Variants in MAST4 observed in about 807,000 individuals in gnomAD.
MAST4 encodes microtubule-associated serine/threonine-protein kinase 4.
Under a neutral mutation model 162.7 loss-of-function variants are expected in MAST4, and 89 were observed. The observed-to-expected ratio is 0.55, with a 90% CI of 0.46 to 0.65. The LOEUF is 0.65. Among genes scored for constraint, MAST4 ranks in the 30% least tolerant of loss-of-function variants. MAST4 has a pLI of 0.00. For missense variants in MAST4, 3,153 were observed against 3,374.0 expected, an observed-to-expected ratio of 0.93 and a Z score of 1.62; for synonymous variants, 1,479 against 1,361.1, an observed-to-expected ratio of 1.09 and a Z score of -1.91.
At chr5:66,726,525 C>G (rs1444651367) in intron 1 of MAST4, among the ~76,000 whole-genome samples, 2 of 152,056 alleles carry the variant, frequency 1.3e-5, no homozygotes, top group Non-Finnish European at 2.9e-5. Flanking sequence ...TGTGAAGTAC[C>G]TGGTACACCA....
Position 66,721,462 on chromosome 5 carries a change from C to T in MAST4, c.364-38247C>T, listed in dbSNP as rs150877506. On this transcript the variant is annotated intron_variant, in intron 1 of 28. Transcript: ENST00000403625. ...TGTGGTCCTCACTTGGCCTCTGGGACACCTCCAAGTCTTAGTTGTCTTCCT... is the reference window on the plus strand; with the variant it reads ...TGTGGTCCTCACTTGGCCTCTGGGATACCTCCAAGTCTTAGTTGTCTTCCT... Among the ~76,000 whole-genome samples the T allele has an allele frequency of 1.5e-4, 23 of 152,162 alleles. No individual in the cohort carries two copies. In the East Asian group the frequency reaches 3.7e-3, roughly 24 times the overall value.
intron 1 of MAST4, among the ~76,000 whole-genome samples, chr5:66,642,938 G>A (rs1745582225): frequency 6.6e-6 from 1 of 152,170 alleles, no homozygotes; most frequent in African/African-American, 2.4e-5. Flanking sequence ...GGAAAGCTGG[G>A]AAGAAGGGGT....
At chr5:66,722,539 G>A (rs1751282328) in intron 1 of MAST4, among the ~76,000 whole-genome samples, 1 of 150,884 alleles carries the variant, frequency 6.6e-6, no homozygotes, top group Non-Finnish European at 1.5e-5. Flanking sequence ...TCATCAGAAT[G>A]TGAATCCCAG....
intron 3 of MAST4, among the ~76,000 whole-genome samples, chr5:66,873,117 G>A (rs971416552): frequency 5.3e-5 from 8 of 152,154 alleles, no homozygotes; most frequent in African/African-American, 1.9e-4. Flanking sequence ...CAGAGAAGAT[G>A]TCTGTTGCCT....
intron 4 of MAST4, among the ~76,000 whole-genome samples, chr5:66,967,716 A>G (rs1354974473): frequency 6.6e-6 from 1 of 151,288 alleles, no homozygotes; most frequent in Non-Finnish European, 1.5e-5. Context: ...AACATCTTCC[A>G]TCAGGGCTGG....
At chr5:66,834,524 G>A (rs148391762) in intron 3 of MAST4, among the ~76,000 whole-genome samples, 109 of 152,306 alleles carry the variant, frequency 7.2e-4, no homozygotes, top group African/African-American at 2.4e-3. Context: ...ATGGGGTGGA[G>A]AGTAGTTCCA....
chr5:67,021,339 G>A (rs1358283950), intron 4 of MAST4, among the ~76,000 whole-genome samples: 2 of 152,124 alleles, frequency 1.3e-5, no homozygotes, highest in Non-Finnish European at 2.9e-5. Context: ...GTAAATACAG[G>A]CATGCTATAT....
chr5:66,780,836 G>A (rs1044866547), intron 2 of MAST4, among the ~76,000 whole-genome samples: 1 of 152,068 alleles, frequency 6.6e-6, no homozygotes, highest in African/African-American at 2.4e-5. Context: ...GTGCGGATTG[G>A]CGCATTTACA....
At chr5:66,826,880 T>TAAAAC (rs1757288749) in intron 3 of MAST4, among the ~76,000 whole-genome samples, 1 of 152,216 alleles carries the variant, frequency 6.6e-6, no homozygotes, top group African/African-American at 2.4e-5. Context: ...AGGCTTTGTC[T>TAAAAC]AAAACAACTC....
chr5:67,049,350 AATCCCTTC>A (rs1262534606), intron 4 of MAST4, among the ~76,000 whole-genome samples: 3 of 152,106 alleles, frequency 2.0e-5, no homozygotes, highest in African/African-American at 4.8e-5. Flanking sequence ...CATCTGTTTC[AATCCCTTC>A]ATTGTGAAGA....
chr5:66,855,819 T>C (rs577147954), intron 3 of MAST4, among the ~76,000 whole-genome samples: 49 of 152,208 alleles, frequency 3.2e-4, no homozygotes, highest in Non-Finnish European at 6.3e-4. Flanking sequence ...TAGGCTTACA[T>C]GGTTTTGGAG....
In MAST4 at chr5:66,666,288, G is replaced by T. The variant is rs1414976151; in HGVS notation, c.363+69270G>T. The stretch of plus-strand genomic sequence containing the variant: ...GATGGTAATGATGTTTTTCTCTTCA[G>T]ACCGCTCTCTGATGGTAATGATGTT... On this transcript the variant is annotated intron_variant, in intron 1 of 28. Transcript: ENST00000403625. 2.0e-5 allele frequency among the ~76,000 whole-genome samples: 3 copies of T among 152,138 alleles called. No homozygotes were observed. In the East Asian group the frequency reaches 5.8e-4, roughly 29 times the overall value.
intron 1 of MAST4, among the ~76,000 whole-genome samples, chr5:66,673,057 C>T (rs1199081991): frequency 3.3e-5 from 5 of 152,126 alleles, no homozygotes; most frequent in Non-Finnish European, 7.3e-5. Context: ...AGCATGTCAT[C>T]AAGTGCATAT....
chr5:67,027,006 T>C (rs746160454), intron 4 of MAST4, among the ~76,000 whole-genome samples: 6 of 152,168 alleles, frequency 3.9e-5, no homozygotes, highest in Non-Finnish European at 8.8e-5. Context: ...TAGGATATAA[T>C]ATATCCTATT....
At chr5:66,836,213 G>T (rs1214552899) in intron 3 of MAST4, among the ~76,000 whole-genome samples, 1 of 152,030 alleles carries the variant, frequency 6.6e-6, no homozygotes, top group African/African-American at 2.4e-5. Context: ...TTAATGATAT[G>T]GGGAAAAGCT....
In MAST4 at chr5:67,078,920, A is replaced by ATAT. The variant is rs1554093920; in HGVS notation, c.764-11241_764-11239dup. 9.4e-3 allele frequency among the ~76,000 whole-genome samples: 641 copies of ATAT among 68,100 alleles called. 30 individuals are homozygous for ATAT. Among genetic ancestry groups the ATAT allele is most frequent in the African/African-American group, 0.046 (570 of 12,288 alleles). 44.7% of individuals were successfully genotyped at this position (68,100 alleles called of 152,430 possible). On this transcript the variant is annotated intron_variant, in intron 5 of 28. Coordinates refer to ENST00000403625, the MANE Select transcript of MAST4 (RefSeq NM_001164664.2). ...TATATATTTTTATATAAATATATAT[A>ATAT]TATATATATATATATATATATATAT...
At chr5:66,967,117 G>A (rs1028328742) in intron 4 of MAST4, among the ~76,000 whole-genome samples, 3 of 152,218 alleles carry the variant, frequency 2.0e-5, no homozygotes, top group African/African-American at 7.2e-5. Context: ...ACCATTGATT[G>A]TGATGGGTCA....
chr5:66,941,183 G>A (rs979346948), intron 4 of MAST4, among the ~76,000 whole-genome samples: 1 of 152,120 alleles, frequency 6.6e-6, no homozygotes, highest in Non-Finnish European at 1.5e-5. Flanking sequence ...AATGGTAAAT[G>A]AGCATTGGCA....
At position 67,164,510 on chromosome 5, in the gene MAST4, T is replaced by G; in HGVS notation, c.5331T>G (p.Pro1777=). Residue 1777 remains proline (P), a synonymous_variant, in exon 29 of 29, where the codon CCT becomes CCG. Transcript: ENST00000403625. This position sits in a 1 kb window ranked among gnomAD's most constrained non-coding sequence, Gnocchi z 5.3. ...SGTEKPGLVA[P]ESPVRKSPSE... is the part of the protein sequence containing the mutation. ...CGGAGAAGCCTGGCTTGGTTGCTCC[T>G]GAGTCCCCTGTTAGGAAGAGCCCCT... The G allele has an allele frequency of 1.9e-6, 3 of 1,613,990 alleles. No homozygotes were observed. The highest frequency in any genetic ancestry group is 2.5e-6 in the Non-Finnish European group (3 of 1,179,862).
Sources: gnomAD v4.1 joint callset for allele counts (sites outside exome capture counted in the v4.1 genomes callset) on GRCh38, gnomAD v4.1.1 for gene constraint, Gnocchi (gnomAD v3.1) non-coding constraint, MANE v1.5 for transcripts, NCBI Gene and HGNC (gene_info 2026-07-23, HGNC 2026-07-21) for gene names.